The following TMEM117 variants were observed in gnomAD, a reference collection of about 807,000 sequenced individuals.
TMEM117 encodes transmembrane protein 117.
TMEM117 carries 27 observed loss-of-function variants against 52.4 expected under a neutral mutation model. That is an observed-to-expected ratio of 0.51 (90% CI 0.38 to 0.71). The LOEUF (loss-of-function observed/expected upper bound fraction) is 0.71, where lower values mean the gene tolerates loss of function less well. TMEM117 is among the 30% of genes least tolerant of loss of function. The pLI is 0.00. For synonymous variants in TMEM117, 215 were observed against 206.3 expected, an observed-to-expected ratio of 1.04 and a Z score of -0.36; for missense variants, 556 against 630.5, an observed-to-expected ratio of 0.88 and a Z score of 1.26.
At chr12:44,314,464 A>G (rs190403713) in intron 6 of TMEM117, among the ~76,000 whole-genome samples, 1 of 152,026 alleles carries the variant, frequency 6.6e-6, no homozygotes, top group East Asian at 1.9e-4. Flanking sequence ...GTGGTGACTT[A>G]ACTTTTTGAT....
At chr12:43,805,550 G>GA in the TMEM117 span, 116 of 458,940 alleles carry the variant, frequency 2.5e-4, 1 homozygote, top group East Asian at 7.6e-3. Flanking sequence ...TTCAAACCAG[G>GA]AAATAATGGA....
At chr12:43,983,150 A>T (rs1295165495) in intron 3 of TMEM117, among the ~76,000 whole-genome samples, 1 of 152,126 alleles carries the variant, frequency 6.6e-6, no homozygotes, top group Non-Finnish European at 1.5e-5. Context: ...CTTTAAGATG[A>T]CCTTACTCAC....
rs866433610 is a variant in TMEM117, at chr12:44,216,248, T to G, written c.608+4861T>G. ...GTCTTGAACCCCTGACCTCGCGATC[T>G]GCCCGCCTTGGCCTCACAAAATTCT... On this transcript the variant is annotated intron_variant, in intron 5 of 7. Coordinates refer to ENST00000266534, the MANE Select transcript of TMEM117 (RefSeq NM_032256.3). 2.0e-5 allele frequency among the ~76,000 whole-genome samples: 3 copies of G among 152,146 alleles called. No homozygotes were observed. In the South Asian group the frequency reaches 6.2e-4, roughly 32 times the overall value.
chr12:44,027,715 T>G (rs17094013), intron 3 of TMEM117, among the ~76,000 whole-genome samples: 29,852 of 152,026 alleles, frequency 0.2, 4,646 homozygotes, highest in African/African-American at 0.43. Flanking sequence ...ATGGTAGAGG[T>G]TTATATTCTA....
At chr12:43,897,249 C>G (rs918061685) in intron 2 of TMEM117, among the ~76,000 whole-genome samples, 1 of 151,774 alleles carries the variant, frequency 6.6e-6, no homozygotes. Context: ...TTTTGTGGTA[C>G]TGAATTATTT....
At chr12:44,275,078 A>G (rs1950495920) in intron 5 of TMEM117, among the ~76,000 whole-genome samples, 1 of 152,154 alleles carries the variant, frequency 6.6e-6, no homozygotes, top group Non-Finnish European at 1.5e-5. Context: ...AGAATATATA[A>G]GGAGTTCAAA....
chr12:43,825,967 A>G, the TMEM117 span, among the ~76,000 whole-genome samples: 1 of 152,238 alleles, frequency 6.6e-6, no homozygotes, highest in Non-Finnish European at 1.5e-5. Context: ...AATCTCCACC[A>G]TCTCTACCTG....
rs115304489 is a variant in TMEM117 at position 43,987,221 on chromosome 12, G to A, written c.410+42879G>A. Among the ~76,000 whole-genome samples the A allele has an allele frequency of 7.1e-3, 1,081 of 152,292 alleles. 11 individuals are homozygous for A. The highest frequency in any genetic ancestry group is 0.024 in the African/African-American group (986 of 41,574). On this transcript the variant is annotated intron_variant, in intron 3 of 7. Transcript: ENST00000266534. ...ACACCAAGAAGGTGGCCATCTGCCA[G>A]TCAAGGAGAGAGCCTCAGAAGAAAC...
chr12:43,940,705 C>G (rs1336645211), intron 2 of TMEM117, among the ~76,000 whole-genome samples: 3 of 152,064 alleles, frequency 2.0e-5, no homozygotes, highest in Non-Finnish European at 4.4e-5. Context: ...CCACGCCTGG[C>G]TAATATTTTT....
intron 5 of TMEM117, among the ~76,000 whole-genome samples, chr12:44,278,334 CAT>C (rs1430406965): frequency 1.3e-5 from 2 of 152,168 alleles, no homozygotes; most frequent in African/African-American, 4.8e-5. Context: ...GGGCAAGCAA[CAT>C]AGGTTTTTGA....
chr12:44,330,115 T>C (rs1951249062), intron 6 of TMEM117, among the ~76,000 whole-genome samples: 1 of 152,046 alleles, frequency 6.6e-6, no homozygotes, highest in African/African-American at 2.4e-5. Context: ...CCACTGTCAA[T>C]GCACAAGGGT....
intron 4 of TMEM117, among the ~76,000 whole-genome samples, chr12:44,193,723 G>C (rs1311650427): frequency 6.6e-6 from 1 of 152,164 alleles, no homozygotes; most frequent in Admixed American, 6.5e-5. Flanking sequence ...CCTCAAGTGA[G>C]TTGATGGCCC....
At chr12:44,296,986 C>G (rs181481285) in intron 5 of TMEM117, among the ~76,000 whole-genome samples, 77 of 152,314 alleles carry the variant, frequency 5.1e-4, no homozygotes, top group Non-Finnish European at 5.7e-4. Context: ...CAGCCCTGAT[C>G]AGTCTTGGAC....
intron 5 of TMEM117, among the ~76,000 whole-genome samples, chr12:44,280,736 G>A (rs986073688): frequency 6.6e-6 from 1 of 151,558 alleles, no homozygotes; most frequent in African/African-American, 2.4e-5. Context: ...TTGCCTACAT[G>A]ACAATATAAC....
intron 5 of TMEM117, among the ~76,000 whole-genome samples, chr12:44,262,675 A>G (rs1283464372): frequency 6.6e-6 from 1 of 152,084 alleles, no homozygotes; most frequent in Non-Finnish European, 1.5e-5. Context: ...CTCGCTCTGC[A>G]TCCTGGGTTC....
intron 2 of TMEM117, among the ~76,000 whole-genome samples, chr12:43,880,025 T>A (rs1390399396): frequency 6.6e-6 from 1 of 152,262 alleles, no homozygotes; most frequent in Admixed American, 6.5e-5. Context: ...AAAGCTTTCT[T>A]CAAGTCATTG....
At chr12:43,879,396 A>G (rs1943856778) in intron 2 of TMEM117, among the ~76,000 whole-genome samples, 1 of 152,176 alleles carries the variant, frequency 6.6e-6, no homozygotes, top group African/African-American at 2.4e-5. Context: ...ATGCAACTCC[A>G]TTGCTCCCTG....
chr12:43,917,996 G>A (rs1241390161), intron 2 of TMEM117, among the ~76,000 whole-genome samples: 1 of 152,088 alleles, frequency 6.6e-6, no homozygotes, highest in Non-Finnish European at 1.5e-5. Flanking sequence ...GATTTCCTAG[G>A]GCTATTATCT....
At chr12:44,356,537 C>G (rs1951651398) in intron 6 of TMEM117, among the ~76,000 whole-genome samples, 1 of 152,024 alleles carries the variant, frequency 6.6e-6, no homozygotes, top group Admixed American at 6.6e-5. Context: ...GCTGCAGATC[C>G]ACGTTTCCAG....
Sources: gnomAD v4.1 joint callset for allele counts (sites outside exome capture counted in the v4.1 genomes callset) on GRCh38, gnomAD v4.1.1 for gene constraint, MANE v1.5 for transcripts, NCBI Gene and HGNC (gene_info 2026-07-23, HGNC 2026-07-21) for gene names.